PALM2AKAP2: variants seen among roughly 807,000 people sequenced by gnomAD.
The protein encoded by PALM2AKAP2 is PALM2-AKAP2 fusion protein.
Under a neutral mutation model 71.5 loss-of-function variants are expected in PALM2AKAP2, and 37 were observed. The ratio of observed to expected loss-of-function variants is 0.52; its 90% CI spans 0.40 to 0.68. The LOEUF (loss-of-function observed/expected upper bound fraction) is 0.68, where lower values mean the gene tolerates loss of function less well. Ranked by LOEUF, PALM2AKAP2 falls within the 30% of genes least tolerant of loss-of-function variation. The pLI is 0.00. For missense variants in PALM2AKAP2, 1,224 were observed against 1,191.8 expected, an observed-to-expected ratio of 1.03 and a Z score of -0.40; for synonymous variants, 468 against 478.8, an observed-to-expected ratio of 0.98 and a Z score of 0.29.
chr9:109,693,700 T>C (rs2118556963), intron 1 of PALM2AKAP2, among the ~76,000 whole-genome samples: 1 of 152,204 alleles, frequency 6.6e-6, no homozygotes, highest in South Asian at 2.1e-4. Flanking sequence ...TATTTTTTGA[T>C]TCATGCATTA....
At chr9:109,929,886 AAGAG>A (rs1334642825) in intron 5 of PALM2AKAP2, among the ~76,000 whole-genome samples, 63 of 147,522 alleles carry the variant, frequency 4.3e-4, no homozygotes, top group African/African-American at 1.4e-3. Flanking sequence ...AAAAAAAAAA[AAGAG>A]AGAGAATCAT....
chr9:109,859,568 A>G (rs1178094479), intron 1 of PALM2AKAP2, among the ~76,000 whole-genome samples: 1 of 152,252 alleles, frequency 6.6e-6, no homozygotes, highest in Non-Finnish European at 1.5e-5. Flanking sequence ...TGTCAATAAA[A>G]CAATTAAAAG....
chr9:109,996,492 G>A (rs1228663151), intron 6 of PALM2AKAP2, among the ~76,000 whole-genome samples: 1 of 152,242 alleles, frequency 6.6e-6, no homozygotes, highest in Admixed American at 6.5e-5. Context: ...TCCAAAATTA[G>A]TTTGGGCCTC....
intron 7 of PALM2AKAP2, among the ~76,000 whole-genome samples, chr9:110,031,183 C>T (rs182348403): frequency 7.6e-4 from 115 of 152,256 alleles, no homozygotes; most frequent in African/African-American, 2.4e-3. Flanking sequence ...AGTGCAGTGG[C>T]GCCATCTTGG....
At chr9:109,867,139 T>A (rs73535590) in intron 1 of PALM2AKAP2, 5,478 of 456,742 alleles carry the variant, frequency 0.012, 280 homozygotes, top group African/African-American at 0.099. Context: ...TGTGTCCAAA[T>A]TAACACTGCA....
chr9:109,698,310 T>C (rs375004713), intron 1 of PALM2AKAP2, among the ~76,000 whole-genome samples: 1 of 143,364 alleles, frequency 7.0e-6, no homozygotes, highest in Non-Finnish European at 1.5e-5. Flanking sequence ...GGAGTTTCGC[T>C]TTTGTCACCC....
intron 6 of PALM2AKAP2, among the ~76,000 whole-genome samples, chr9:109,951,562 G>T (rs76700338): frequency 6.6e-6 from 1 of 151,990 alleles, no homozygotes; most frequent in Admixed American, 6.5e-5. Flanking sequence ...AGCACCTTCC[G>T]CTGTTCACTA....
rs1835341179 is a variant in PALM2AKAP2 at position 110,115,391 on chromosome 9, G to T, written c.157-20736G>T. Among the ~76,000 whole-genome samples the T allele has an allele frequency of 2.0e-5, 3 of 152,364 alleles. No individual in the cohort carries two copies. The South Asian group carries it at 6.2e-4, about 32-fold the overall frequency. On this transcript the variant is annotated intron_variant, in intron 1 of 3. Transcript: ENST00000374525. ...GGTACCATGCTCAGAATCCCTTGTAGAGAGTGGCATCCGTTTGCTGCATGA... is the reference window on the plus strand; with the variant it reads ...GGTACCATGCTCAGAATCCCTTGTATAGAGTGGCATCCGTTTGCTGCATGA...
chr9:109,762,691 C>A (rs1471357795), intron 1 of PALM2AKAP2, among the ~76,000 whole-genome samples: 1 of 152,182 alleles, frequency 6.6e-6, no homozygotes, highest in African/African-American at 2.4e-5. Context: ...TATAAAGGGG[C>A]AAAAGCTACT....
intron 2 of PALM2AKAP2, among the ~76,000 whole-genome samples, chr9:109,870,687 T>C (rs1829580774): frequency 6.6e-6 from 1 of 152,234 alleles, no homozygotes; most frequent in South Asian, 2.1e-4. Context: ...CCGAGCTCTT[T>C]CCAGGCCACC....
chr9:109,944,718 G>T lies in PALM2AKAP2; in HGVS notation c.496+12690G>T, dbSNP rs552975028. On this transcript the variant is annotated intron_variant, in intron 6 of 9. Transcript: ENST00000302798. ...CTTCTGGAGATTCCAGAAGAGCAAA[G>T]AATATTTTTTATCTAGAACACAATG... The T allele has an allele frequency of 2.2e-4, 33 of 152,228 alleles. No homozygotes were observed. In the East Asian group the frequency reaches 6.4e-3, roughly 29 times the overall value. 9.4% of individuals were successfully genotyped at this position (152,228 alleles called of 1,614,324 possible). A position where few individuals can be genotyped will look rare whatever the true frequency, so the allele number is the denominator to read the frequency against.
intron 6 of PALM2AKAP2, among the ~76,000 whole-genome samples, chr9:109,983,914 A>G (rs1178813579): frequency 6.6e-6 from 1 of 152,200 alleles, no homozygotes; most frequent in Non-Finnish European, 1.5e-5. Flanking sequence ...CAGATGCTCA[A>G]TGGCATCAAG....
intron 3 of PALM2AKAP2, among the ~76,000 whole-genome samples, chr9:109,920,934 C>G (rs556135807): frequency 2.6e-5 from 4 of 152,282 alleles, no homozygotes; most frequent in African/African-American, 9.6e-5. Flanking sequence ...ATGTGACTGT[C>G]TCGTGTGTTG....
chr9:110,057,620 C>T (rs765851508), intron 1 of PALM2AKAP2, among the ~76,000 whole-genome samples: 1 of 151,706 alleles, frequency 6.6e-6, no homozygotes. Context: ...CCTCATGATC[C>T]GCCTGCCTCG....
intron 3 of PALM2AKAP2, among the ~76,000 whole-genome samples, chr9:109,903,613 T>C (rs1172228369): frequency 6.6e-6 from 1 of 152,140 alleles, no homozygotes; most frequent in Admixed American, 6.5e-5. Context: ...TTTAATGAAC[T>C]TTCTCCTCCT....
At chr9:109,984,599 G>A (rs905200074) in intron 6 of PALM2AKAP2, among the ~76,000 whole-genome samples, 3 of 152,042 alleles carry the variant, frequency 2.0e-5, no homozygotes, top group African/African-American at 4.8e-5. Context: ...GCTCATGTCT[G>A]TAATCCCAGC....
intron 2 of PALM2AKAP2, among the ~76,000 whole-genome samples, chr9:110,140,609 A>G (rs1162937947): frequency 2.0e-5 from 3 of 149,990 alleles, no homozygotes; most frequent in African/African-American, 7.5e-5. Context: ...CTCCCTTTCC[A>G]TATTTGTGAC....
chr9:109,750,514 G>A (rs969114185), intron 1 of PALM2AKAP2, among the ~76,000 whole-genome samples: 1 of 151,872 alleles, frequency 6.6e-6, no homozygotes, highest in East Asian at 1.9e-4. Context: ...GTCAAGGGTG[G>A]CCAACCAGTG....
chr9:109,782,744 T>TTGTGTGTGTGTGTGTGTG (rs71492863), intron 1 of PALM2AKAP2, among the ~76,000 whole-genome samples: 1 of 144,196 alleles, frequency 6.9e-6, no homozygotes, highest in South Asian at 2.2e-4. Flanking sequence ...GTGTGTTTGT[T>TTGTGTGTGTGTGTGTGTG]TGTGTGTGTG....
Sources: gnomAD v4.1 joint callset for allele counts (sites outside exome capture counted in the v4.1 genomes callset) on GRCh38, gnomAD v4.1.1 for gene constraint, MANE v1.5 for transcripts, NCBI Gene and HGNC (gene_info 2026-07-23, HGNC 2026-07-21) for gene names.